The following MDGA2 variants were observed in gnomAD, a reference collection of about 807,000 sequenced individuals.
MDGA2 encodes the protein MAM domain containing glycosylphosphatidylinositol anchor 2.
MDGA2 carries 40 observed loss-of-function variants against 117.8 expected under a neutral mutation model. The ratio of observed to expected loss-of-function variants is 0.34; its 90% CI spans 0.26 to 0.44. The LOEUF (loss-of-function observed/expected upper bound fraction) is 0.44, where lower values mean the gene tolerates loss of function less well. Among genes scored for constraint, MDGA2 ranks in the 20% least tolerant of loss-of-function variants. MDGA2 has a pLI of 1.00. For synonymous variants in MDGA2, 452 were observed against 439.0 expected (o/e 1.03, Z -0.37); for missense variants, 1,123 against 1,250.6 (o/e 0.90, Z 1.54).
chr14:47,550,994 A>G (rs923054351), intron 1 of MDGA2, among the ~76,000 whole-genome samples: 1 of 152,174 alleles, frequency 6.6e-6, no homozygotes, highest in Non-Finnish European at 1.5e-5. Flanking sequence ...AAACCAACCT[A>G]GCCTTTTTAA....
At chr14:46,864,865 C>G (rs775635224) in intron 14 of MDGA2, among the ~76,000 whole-genome samples, 6 of 151,930 alleles carry the variant, frequency 3.9e-5, no homozygotes, top group Non-Finnish European at 7.4e-5. Context: ...TTGTCTTCTT[C>G]AAGGAACTTA....
chr14:47,118,167 G>A (rs1246570117), intron 5 of MDGA2, among the ~76,000 whole-genome samples: 1 of 152,098 alleles, frequency 6.6e-6, no homozygotes, highest in East Asian at 1.9e-4. Context: ...ATTTCAACAA[G>A]AGCCAATTCA....
intron 1 of MDGA2, among the ~76,000 whole-genome samples, chr14:47,572,025 G>T (rs942964023): frequency 1.3e-5 from 2 of 152,254 alleles, no homozygotes; most frequent in Non-Finnish European, 2.9e-5. Context: ...ACAGAATCTG[G>T]TTTTTGGTCT....
intron 1 of MDGA2, among the ~76,000 whole-genome samples, chr14:47,466,155 T>C (rs779309836): frequency 8.6e-5 from 13 of 151,662 alleles, no homozygotes; most frequent in Non-Finnish European, 1.8e-4. Context: ...CAACAGACAC[T>C]GGGGTGTATG....
intron 5 of MDGA2, among the ~76,000 whole-genome samples, chr14:47,122,450 C>T (rs75852024): frequency 0.025 from 3,795 of 152,098 alleles, 152 homozygotes; most frequent in African/African-American, 0.087. Context: ...TGTGGGACTT[C>T]CAGTGAGTCC....
At chr14:47,516,342 C>T (rs565890652) in intron 1 of MDGA2, among the ~76,000 whole-genome samples, 2 of 152,300 alleles carry the variant, frequency 1.3e-5, no homozygotes, top group Admixed American at 1.3e-4. Flanking sequence ...GTCACCTTCT[C>T]AGCATGTAAT....
chr14:47,604,449 T>C (rs1896703443), intron 1 of MDGA2, among the ~76,000 whole-genome samples: 1 of 151,586 alleles, frequency 6.6e-6, no homozygotes, highest in Non-Finnish European at 1.5e-5. Context: ...ACCAAGTAGC[T>C]GGAACTATAG....
intron 7 of MDGA2, among the ~76,000 whole-genome samples, chr14:47,043,088 T>C (rs1465579725): frequency 6.6e-6 from 1 of 152,080 alleles, no homozygotes. Flanking sequence ...TAAACTAATA[T>C]GCTTGACCCA....
intron 1 of MDGA2, among the ~76,000 whole-genome samples, chr14:47,578,532 C>A (rs1896167674): frequency 6.6e-6 from 1 of 152,044 alleles, no homozygotes; most frequent in East Asian, 1.9e-4. Flanking sequence ...AATCTAAATT[C>A]AGTTCCCCAG....
chr14:47,504,296 T>A (rs1412933387), intron 1 of MDGA2, among the ~76,000 whole-genome samples: 1 of 152,208 alleles, frequency 6.6e-6, no homozygotes, highest in Non-Finnish European at 1.5e-5. Context: ...ATTCCTTGGA[T>A]GCAGATGTTA....
At chr14:47,607,168 A>T (rs1398258587) in intron 1 of MDGA2, among the ~76,000 whole-genome samples, 1 of 152,184 alleles carries the variant, frequency 6.6e-6, no homozygotes, top group Admixed American at 6.6e-5. Context: ...TGCACACTTT[A>T]GCAGAACACA....
At chr14:47,005,904 T>A (rs1413012814) in intron 8 of MDGA2, among the ~76,000 whole-genome samples, 2 of 151,612 alleles carry the variant, frequency 1.3e-5, no homozygotes, top group Non-Finnish European at 3.0e-5. Flanking sequence ...TTGTTAAAAT[T>A]TTTTTAAAAA....
chr14:46,887,738 G>T (rs535710214), intron 10 of MDGA2, among the ~76,000 whole-genome samples: 16 of 151,828 alleles, frequency 1.1e-4, no homozygotes, highest in African/African-American at 3.9e-4. Context: ...TAATATAAAT[G>T]ATGACACTTT....
chr14:47,084,646 G>C (rs955520695), intron 6 of MDGA2, among the ~76,000 whole-genome samples: 1 of 152,104 alleles, frequency 6.6e-6, no homozygotes, highest in Non-Finnish European at 1.5e-5. Context: ...GTATCAGGAC[G>C]TGGAGCTTTT....
intron 1 of MDGA2, among the ~76,000 whole-genome samples, chr14:47,580,902 T>C (rs1244171188): frequency 1.3e-5 from 2 of 152,036 alleles, no homozygotes; most frequent in Non-Finnish European, 1.5e-5. Context: ...ATATCAACAG[T>C]AGTTGGCTGG....
chr14:47,261,471 C>T (rs980643576), intron 2 of MDGA2, among the ~76,000 whole-genome samples: 11 of 152,090 alleles, frequency 7.2e-5, no homozygotes, highest in African/African-American at 2.7e-4. Context: ...TTGAAAGATT[C>T]ATCTGCTAAA....
chr14:47,229,048 G>T (rs1034785861), intron 2 of MDGA2, among the ~76,000 whole-genome samples: 2 of 152,158 alleles, frequency 1.3e-5, no homozygotes, highest in African/African-American at 4.8e-5. Flanking sequence ...ATCAGCTGGA[G>T]AATGGTGGGA....
intron 1 of MDGA2, among the ~76,000 whole-genome samples, chr14:47,492,019 T>C (rs192510081): frequency 9.1e-4 from 138 of 152,246 alleles, no homozygotes; most frequent in African/African-American, 3.1e-3. Flanking sequence ...TCGGCAAATA[T>C]ATTTGTCTAC....
At chr14:47,522,775 A>G (rs1171740676) in intron 1 of MDGA2, among the ~76,000 whole-genome samples, 1 of 152,226 alleles carries the variant, frequency 6.6e-6, no homozygotes, top group African/African-American at 2.4e-5. Context: ...CAGTACTTCC[A>G]TAACTAGGCT....
Sources: gnomAD v4.1 joint callset for allele counts (sites outside exome capture counted in the v4.1 genomes callset) on GRCh38, gnomAD v4.1.1 for gene constraint, MANE v1.5 for transcripts, NCBI Gene and HGNC (gene_info 2026-07-23, HGNC 2026-07-21) for gene names.